EFHC1: variants seen among roughly 807,000 people sequenced by gnomAD.
EFHC1 encodes EF-hand domain containing 1.
A neutral mutation model predicts 69.9 loss-of-function variants in EFHC1; 53 were observed. The observed-to-expected ratio is 0.76, with a 90% CI of 0.61 to 0.95. EFHC1 has a LOEUF of 0.95. Among genes scored for constraint, EFHC1 ranks in the 40% least tolerant of loss-of-function variants. The probability of loss-of-function intolerance (pLI) is 0.00; values close to 1 mark genes in which losing one functional copy is unlikely to be tolerated. For missense variants in EFHC1, 739 were observed against 798.7 expected (o/e 0.93, Z 0.90); for synonymous variants, 256 against 278.4 (o/e 0.92, Z 0.80).
At chr6:52,465,507 A>C (rs1765284593) in intron 6 of EFHC1, among the ~76,000 whole-genome samples, 1 of 151,936 alleles carries the variant, frequency 6.6e-6, no homozygotes, top group South Asian at 2.1e-4. Flanking sequence ...TTTATAAGTA[A>C]ATAAAATGTA....
At chr6:52,475,992 A>G (rs970348524) in intron 7 of EFHC1, among the ~76,000 whole-genome samples, 4 of 152,314 alleles carry the variant, frequency 2.6e-5, no homozygotes, top group Non-Finnish European at 5.9e-5. Context: ...CAGAGCAGAA[A>G]CCAAACGAAT....
At chr6:52,472,669 A>C (rs1170592413) in intron 7 of EFHC1, among the ~76,000 whole-genome samples, 1 of 140,250 alleles carries the variant, frequency 7.1e-6, no homozygotes, top group East Asian at 1.9e-4. Context: ...TTTTACATAC[A>C]AGAGATATGT....
intron 5 of EFHC1, among the ~76,000 whole-genome samples, chr6:52,464,093 C>CT (rs1471741058): frequency 6.6e-6 from 1 of 152,178 alleles, no homozygotes; most frequent in Non-Finnish European, 1.5e-5. Context: ...ATGTGGCACT[C>CT]TACTAGAACT....
chr6:52,485,945 C>T (rs986727369), intron 9 of EFHC1: 35 of 152,306 alleles, frequency 2.3e-4, no homozygotes, highest in African/African-American at 8.2e-4. Flanking sequence ...TCCTCACCCC[C>T]GCCCTTCTTC....
chr6:52,494,680 C>G lies in EFHC1; in HGVS notation c.*2339C>G, dbSNP rs1260734410. 2.2e-6 allele frequency: 1 copy of G among 453,920 alleles called. No individual in the cohort carries two copies. The highest frequency in any genetic ancestry group is 2.0e-5 in the African/African-American group (1 of 49,974). The allele number at this position is 453,920 out of a possible 1,614,324, so 28.1% of individuals were successfully genotyped here. The stretch of plus-strand genomic sequence containing the variant: ...CATAGTGCCCAGTAAGTAGTTTTTC[C>G]ACACATACCCCCTCCTTCCCTTCCC... On this transcript the variant is annotated 3_prime_UTR_variant, in exon 11 of 11. Transcript: ENST00000371068.
In EFHC1 at chr6:52,479,078, C is replaced by T. The variant is rs1765608928; in HGVS notation, c.1320C>T (p.Phe440=). ...IPEDKDRRFV[F]SYFLATDMIS... ...AAGACAAAGACCGCAGATTTGTCTT[C>T]TCTTACTTTCTAGCTACCGACATGA... Residue 440 remains phenylalanine (F), a synonymous_variant, in exon 8 of 11, where the codon TTC becomes TTT. Transcript: ENST00000371068. 5.6e-6 allele frequency: 9 copies of T among 1,614,142 alleles called. No homozygotes were observed. The highest frequency in any genetic ancestry group is 7.6e-6 in the Non-Finnish European group (9 of 1,180,008).
At chr6:52,464,250 C>T (rs1181583305) in intron 5 of EFHC1, among the ~76,000 whole-genome samples, 1 of 152,144 alleles carries the variant, frequency 6.6e-6, no homozygotes, top group African/African-American at 2.4e-5. Flanking sequence ...TTATTTATTC[C>T]CACATGAATG....
chr6:52,473,333 T>A (rs535160479), intron 7 of EFHC1, among the ~76,000 whole-genome samples: 1 of 152,224 alleles, frequency 6.6e-6, no homozygotes, highest in Non-Finnish European at 1.5e-5. Context: ...AAATTTGACC[T>A]CCATCTCACT....
chr6:52,496,200 A>C lies in EFHC1; in HGVS notation c.*3859A>C, dbSNP rs1317996052. 3.6e-5 allele frequency: 4 copies of C among 109,884 alleles called. No homozygotes were observed. Among genetic ancestry groups the C allele is most frequent in the African/African-American group, 1.2e-4 (4 of 32,682 alleles). 6.8% of individuals were successfully genotyped at this position (109,884 alleles called of 1,614,324 possible). On this transcript the variant is annotated 3_prime_UTR_variant, in exon 11 of 11. Coordinates refer to ENST00000371068, the MANE Select transcript of EFHC1 (RefSeq NM_018100.4). The stretch of plus-strand genomic sequence containing the variant: ...AGGGAGTTGAAAGATTCTAATACAC[A>C]CACACACCCACACACACACACACAC...
chr6:52,426,952 C>A (rs1392144666), intron 2 of EFHC1, among the ~76,000 whole-genome samples: 1 of 152,148 alleles, frequency 6.6e-6, no homozygotes, highest in East Asian at 1.9e-4. Flanking sequence ...TGTCATTTTT[C>A]TGGGAAAATG....
At chr6:52,449,380 CAAAAAAAA>C (rs141155248) in intron 3 of EFHC1, among the ~76,000 whole-genome samples, 2 of 104,418 alleles carry the variant, frequency 1.9e-5, no homozygotes, top group South Asian at 3.2e-4. Flanking sequence ...GACTCCATCT[CAAAAAAAA>C]AAAAAAAAAT....
At chr6:52,463,422 C>A (rs1765220120) in intron 5 of EFHC1, among the ~76,000 whole-genome samples, 1 of 152,040 alleles carries the variant, frequency 6.6e-6, no homozygotes, top group South Asian at 2.1e-4. Flanking sequence ...AAACATTTCC[C>A]ACAAAAAATC....
chr6:52,482,873 A>T (rs905156824), intron 9 of EFHC1: 1 of 398,444 alleles, frequency 2.5e-6, no homozygotes, highest in Non-Finnish European at 4.4e-6. Flanking sequence ...TTTCTCTTCT[A>T]TAACTCTATT....
intron 3 of EFHC1, among the ~76,000 whole-genome samples, chr6:52,441,076 C>T (rs1370085329): frequency 3.3e-5 from 5 of 152,016 alleles, no homozygotes; most frequent in Non-Finnish European, 5.9e-5. Context: ...CTTTCCCATT[C>T]TTTAGATAGT....
intron 9 of EFHC1, chr6:52,486,571 A>C (rs1765791526): frequency 6.6e-6 from 1 of 152,164 alleles, no homozygotes. Context: ...TTTTCCAAAT[A>C]TTCTCATTTT....
At chr6:52,433,636 A>AT (rs1764463754) in intron 2 of EFHC1, among the ~76,000 whole-genome samples, 1 of 151,990 alleles carries the variant, frequency 6.6e-6, no homozygotes, top group Non-Finnish European at 1.5e-5. Flanking sequence ...TTAATGTACT[A>AT]TTTTTGTGCT....
rs368128394 is a variant in EFHC1 at position 52,497,017 on chromosome 6, C to T, written c.*4676C>T. 3 of 152,300 alleles carry T rather than the reference C, an allele frequency of 2.0e-5. No individual in the cohort carries two copies. The East Asian group carries it at 5.8e-4, about 29-fold the overall frequency. The allele number at this position is 152,300 out of a possible 1,614,324, so 9.4% of individuals were successfully genotyped here. A position where few individuals can be genotyped will look rare whatever the true frequency, so the allele number is the denominator to read the frequency against. ...AGTCAGCACCAACATATTTGTTGGCCTTTACACAAACGAAACCCCATTTCC... is the reference window on the plus strand; with the variant it reads ...AGTCAGCACCAACATATTTGTTGGCTTTTACACAAACGAAACCCCATTTCC... On this transcript the variant is annotated 3_prime_UTR_variant, in exon 11 of 11. Transcript: ENST00000371068.
chr6:52,439,988 C>T (rs1162044103), intron 3 of EFHC1, among the ~76,000 whole-genome samples: 1 of 152,002 alleles, frequency 6.6e-6, no homozygotes, highest in Non-Finnish European at 1.5e-5. Context: ...GTTTTCATAA[C>T]AATTATTTTT....
chr6:52,445,098 G>C (rs1261445838), intron 3 of EFHC1, among the ~76,000 whole-genome samples: 2 of 150,634 alleles, frequency 1.3e-5, no homozygotes, highest in South Asian at 4.2e-4. Context: ...GGTGTTTATA[G>C]TATTTTCTGA....
Sources: allele counts gnomAD v4.1 joint callset (sites outside exome capture counted in the v4.1 genomes callset), GRCh38; gene constraint gnomAD v4.1.1; transcripts MANE v1.5; gene names NCBI Gene and HGNC (gene_info 2026-07-23, HGNC 2026-07-21).